Variants in LMBRD2 observed in about 807,000 individuals in gnomAD.
LMBRD2 encodes the protein LMBR1 domain containing 2.
In LMBRD2, 55 loss-of-function variants were observed where a neutral mutation model predicts 94.4. The ratio of observed to expected loss-of-function variants is 0.58; its 90% CI spans 0.47 to 0.73. The LOEUF (loss-of-function observed/expected upper bound fraction) is 0.73. Among genes scored for constraint, LMBRD2 ranks in the 30% least tolerant of loss-of-function variants. The probability of loss-of-function intolerance (pLI) is 0.00; values close to 1 mark genes in which losing one functional copy is unlikely to be tolerated. For synonymous variants in LMBRD2, 246 were observed against 272.4 expected (o/e 0.90, Z 0.95); for missense variants, 640 against 831.9 (o/e 0.77, Z 2.84).
rs185505427 is a variant in LMBRD2 at position 36,109,648 on chromosome 5, A to G, written c.1791+297T>C. 3.2e-3 allele frequency among the ~76,000 whole-genome samples: 490 copies of G among 152,194 alleles called. 4 individuals are homozygous for G. The highest frequency in any genetic ancestry group is 6.8e-3 in the Middle Eastern group (2 of 294). ...TCAAAACCACTTTAATAGCAAGAAT[A>G]CACAAATTTATGTATTTATTCATTC... is the stretch of plus-strand genomic sequence containing the variant. On this transcript the variant is annotated intron_variant, in intron 15 of 17. Coordinates refer to ENST00000296603, the MANE Select transcript of LMBRD2 (RefSeq NM_001007527.2).
chr5:36,122,339 G>T lies in LMBRD2; in HGVS notation c.1061C>A (p.Thr354Asn). The change falls in exon 9 of 18, where the codon ACC becomes AAC. Residue 354 changes from threonine to asparagine, a missense_variant. Transcript: ENST00000296603. Reference sequence around the variant, plus strand: ...ATTTTCTGGCTCTGGCGATTGAAAGGTGTGAACAAACTGATGAGTAGCACT... The same window carrying T: ...ATTTTCTGGCTCTGGCGATTGAAAGTTGTGAACAAACTGATGAGTAGCACT... ...ETSATHQFVH[T>N]FQSPEPENRF... 6.2e-7 allele frequency: 1 copy of T among 1,612,060 alleles called. No homozygotes were observed. The highest frequency in any genetic ancestry group is 8.5e-7 in the Non-Finnish European group (1 of 1,179,306).
chr5:36,143,095 C>T, intron 2 of LMBRD2, 81 bp downstream of exon 2: 1 of 960,914 alleles, frequency 1.0e-6, no homozygotes, highest in South Asian at 1.7e-5. Context: ...ACTTAGCTGT[C>T]TTAAGAAATA....
chr5:36,113,080 G>GA (rs1743651107), intron 13 of LMBRD2, among the ~76,000 whole-genome samples: 1 of 152,076 alleles, frequency 6.6e-6, no homozygotes. Flanking sequence ...TGCCTCCAAA[G>GA]AAAGAAGTAA....
intron 1 of LMBRD2, among the ~76,000 whole-genome samples, chr5:36,148,975 A>AT (rs2111922323): frequency 6.6e-6 from 1 of 152,354 alleles, no homozygotes; most frequent in South Asian, 2.1e-4. Context: ...TTATACTACT[A>AT]TTACTTGATT....
chr5:36,142,730 TTTC>T, intron 2 of LMBRD2, 131 bp from the exon 3 acceptor site: 1 of 551,190 alleles, frequency 1.8e-6, no homozygotes, highest in Non-Finnish European at 3.2e-6. Context: ...TTTTTTTTTT[TTTC>T]TTTTTGTGTG....
intron 9 of LMBRD2, among the ~76,000 whole-genome samples, chr5:36,120,091 A>G (rs1451629803): frequency 1.5e-5 from 2 of 132,874 alleles, no homozygotes; most frequent in Admixed American, 8.7e-5. Flanking sequence ...ACGGAGTCTC[A>G]TTCTGTCCCC....
chr5:36,148,883 T>C (rs1418579080), intron 1 of LMBRD2, among the ~76,000 whole-genome samples: 1 of 152,236 alleles, frequency 6.6e-6, no homozygotes, highest in Non-Finnish European at 1.5e-5. Context: ...AGAAACTTTC[T>C]CCCATTTCTT....
Position 36,099,286 on chromosome 5 carries a change from G to A in LMBRD2, c.*4760C>T, listed in dbSNP as rs989410819. 7 of 152,076 alleles carry A rather than the reference G, an allele frequency of 4.6e-5. No individual in the cohort carries two copies. The highest frequency in any genetic ancestry group is 6.6e-5 in the Admixed American group (1 of 15,258). 9.4% of individuals were successfully genotyped at this position (152,076 alleles called of 1,614,324 possible). ...TTATAAAAATTAAATATCAGAAAGT[G>A]AGAACATCAATATTAGAGCTCTGTT... On this transcript the variant is annotated 3_prime_UTR_variant, in exon 18 of 18. Coordinates refer to ENST00000296603, the MANE Select transcript of LMBRD2 (RefSeq NM_001007527.2).
chr5:36,125,084 C>G (rs953031369), intron 6 of LMBRD2, among the ~76,000 whole-genome samples: 11 of 152,134 alleles, frequency 7.2e-5, no homozygotes, highest in African/African-American at 2.7e-4. Flanking sequence ...AATTGTCAGT[C>G]TTAAAATTTC....
chr5:36,115,662 T>C (rs140991022), intron 11 of LMBRD2, among the ~76,000 whole-genome samples: 1 of 152,214 alleles, frequency 6.6e-6, no homozygotes, highest in African/African-American at 2.4e-5. Context: ...GATAATTCTT[T>C]TGTGGTGATA....
chr5:36,143,194 C>A lies in LMBRD2; in HGVS notation c.156G>T (p.Leu52=). 12 of 1,607,752 alleles carry A rather than the reference C, an allele frequency of 7.5e-6. No individual in the cohort carries two copies. Among genetic ancestry groups the A allele is most frequent in the Non-Finnish European group, 1.0e-5 (12 of 1,176,594 alleles). Residue 52 remains leucine, a synonymous_variant, in exon 2 of 18, where the codon CTG becomes CTT. Coordinates refer to ENST00000296603, the MANE Select transcript of LMBRD2 (RefSeq NM_001007527.2). ...WYLCFLIVFI[L]PLDVSTTIYN... is the part of the protein sequence containing the mutation. The stretch of plus-strand genomic sequence containing the variant: ...TCCTTACCGTACTAACATCCAGAGG[C>A]AGTATGAAGACAATAAGAAAGCAGA...
chr5:36,116,376 C>T, intron 11 of LMBRD2, 84 bp downstream of exon 11: 2 of 1,237,940 alleles, frequency 1.6e-6, no homozygotes, highest in South Asian at 1.3e-5. Flanking sequence ...TAGTGGAACA[C>T]CTGTAAACAA....
Position 36,106,509 on chromosome 5 carries a change from G to GTT in LMBRD2, c.1898-1314_1898-1313dup, listed in dbSNP as rs70973085. Among the ~76,000 whole-genome samples the GTT allele has an allele frequency of 2.8e-3, 340 of 119,370 alleles. 5 individuals carry two copies. Among genetic ancestry groups the GTT allele is most frequent in the African/African-American group, 0.011 (308 of 27,620 alleles). 78.3% of individuals were successfully genotyped at this position (119,370 alleles called of 152,430 possible). ...CAAAATCCCAACTTTTTTTTCTTTC[G>GTT]TTTTTTTTTTTTTTTTTTTTGATGG... On this transcript the variant is annotated intron_variant, in intron 16 of 17. Coordinates refer to ENST00000296603, the MANE Select transcript of LMBRD2 (RefSeq NM_001007527.2).
Position 36,098,820 on chromosome 5 carries a change from A to G in LMBRD2, c.*5226T>C, listed in dbSNP as rs373066733. 1.5e-3 allele frequency: 222 copies of G among 151,172 alleles called. 1 individual carries two copies. The highest frequency in any genetic ancestry group is 5.1e-3 in the African/African-American group (207 of 40,680). The allele number at this position is 151,172 out of a possible 1,614,324, so 9.4% of individuals were successfully genotyped here. A position where few individuals can be genotyped will look rare whatever the true frequency, so the allele number is the denominator to read the frequency against. On this transcript the variant is annotated 3_prime_UTR_variant, in exon 18 of 18. Transcript: ENST00000296603. Reference sequence around the variant, plus strand: ...GAAAATGTAGTGAGAATCTACAGAGAAAAAAAATAGTTTAATCTACAACCC... The same window carrying G: ...GAAAATGTAGTGAGAATCTACAGAGGAAAAAAATAGTTTAATCTACAACCC...
intron 6 of LMBRD2, among the ~76,000 whole-genome samples, chr5:36,127,308 A>G (rs1744029748): frequency 6.6e-6 from 1 of 152,244 alleles, no homozygotes; most frequent in Non-Finnish European, 1.5e-5. Context: ...CATACACAGG[A>G]GGTGGAGCAA....
intron 17 of LMBRD2, 96 bp from the exon 18 acceptor site, chr5:36,104,202 T>C: frequency 1.1e-6 from 1 of 924,522 alleles, no homozygotes; most frequent in Non-Finnish European, 1.7e-6. Context: ...GCCATATAAT[T>C]TGTAAGTACT....
chr5:36,119,102 G>T (rs1332009294), intron 9 of LMBRD2, among the ~76,000 whole-genome samples: 1 of 152,210 alleles, frequency 6.6e-6, no homozygotes, highest in East Asian at 1.9e-4. Flanking sequence ...TTAGCTTCTG[G>T]TTCACTGTAA....
At position 36,141,233 on chromosome 5, in the gene LMBRD2, C is replaced by G. The variant is rs758321343; in HGVS notation, c.273-31G>C. ...GAATAAAAAGTTAAAGCCAACTAATCATAAATGACTACTTAAATGAATTAT... is the reference window on the plus strand; with the variant it reads ...GAATAAAAAGTTAAAGCCAACTAATGATAAATGACTACTTAAATGAATTAT... On this transcript the variant is annotated intron_variant, in intron 3 of 17. Coordinates refer to ENST00000296603, the MANE Select transcript of LMBRD2 (RefSeq NM_001007527.2). The G allele has an allele frequency of 2.5e-6, 3 of 1,210,006 alleles. No homozygotes were observed. In the South Asian group the frequency reaches 3.8e-5, roughly 15 times the overall value. The allele number at this position is 1,210,006 out of a possible 1,614,324, so 75.0% of individuals were successfully genotyped here.
In LMBRD2 at chr5:36,137,384, T is replaced by C; in HGVS notation, c.426A>G (p.Gly142=). Residue 142 remains glycine (G), a synonymous_variant, in exon 5 of 18, where the codon GGA becomes GGG. Coordinates refer to ENST00000296603, the MANE Select transcript of LMBRD2 (RefSeq NM_001007527.2). ...TCTCAATTAGTGCAGTTTTGATCTTTCCAGTGATGGAAAACCCTCCTGATC... is the reference window on the plus strand; with the variant it reads ...TCTCAATTAGTGCAGTTTTGATCTTCCCAGTGATGGAAAACCCTCCTGATC... ...YARSGGFSIT[G]KIKTALIENA... The C allele has an allele frequency of 1.2e-6, 2 of 1,603,854 alleles. No individual in the cohort carries two copies. Among genetic ancestry groups the C allele is most frequent in the Middle Eastern group, 1.7e-4 (1 of 6,026 alleles).
Sources: allele counts gnomAD v4.1 joint callset (sites outside exome capture counted in the v4.1 genomes callset), GRCh38; gene constraint gnomAD v4.1.1; transcripts MANE v1.5; gene names NCBI Gene and HGNC (gene_info 2026-07-23, HGNC 2026-07-21).